FAM76A: variants seen among roughly 807,000 people sequenced by gnomAD.
FAM76A encodes the protein family with sequence similarity 76 member A.
Under a neutral mutation model 46.2 loss-of-function variants are expected in FAM76A, and 32 were observed. That is an observed-to-expected ratio of 0.69 (90% CI 0.52 to 0.93). The LOEUF is 0.93. Among genes scored for constraint, FAM76A ranks in the 40% least tolerant of loss-of-function variants. The pLI, the probability that FAM76A is intolerant of heterozygous loss-of-function variation, is 0.00. For missense variants in FAM76A, 274 were observed against 361.5 expected (o/e 0.76, Z 1.96); for synonymous variants, 137 against 127.0 (o/e 1.08, Z -0.53).
chr1:27,732,939 TG>T (rs1286787956), intron 3 of FAM76A, among the ~76,000 whole-genome samples: 3 of 151,824 alleles, frequency 2.0e-5, no homozygotes, highest in African/African-American at 7.2e-5. Context: ...TTTTTGTTTT[TG>T]TTTTTTTTTT....
chr1:27,743,419 G>A (rs1194834728), intron 4 of FAM76A, among the ~76,000 whole-genome samples: 1 of 152,060 alleles, frequency 6.6e-6, no homozygotes, highest in Non-Finnish European at 1.5e-5. Flanking sequence ...TTCCTGAAGT[G>A]TACATATCTC....
rs185910459 is a variant in FAM76A at position 27,745,789 on chromosome 1, C to G, written c.512+978C>G. 2.0e-5 allele frequency among the ~76,000 whole-genome samples: 3 copies of G among 152,282 alleles called. No individual in the cohort carries two copies. The East Asian group carries it at 5.8e-4, about 29-fold the overall frequency. ...CAGGGAAGGAATGGGCAGAGGCATT[C>G]TAGGCTGAGAGAATAGCATTTGCAA... On this transcript the variant is annotated intron_variant, in intron 5 of 8. Transcript: ENST00000373954.
intron 4 of FAM76A, chr1:27,740,415 C>T (rs1026310705): frequency 1.6e-5 from 23 of 1,427,960 alleles, no homozygotes; most frequent in African/African-American, 5.7e-5. Context: ...TGATATGGTG[C>T]CAAACATTCA....
chr1:27,729,044 T>C (rs972040601), intron 2 of FAM76A, among the ~76,000 whole-genome samples: 1 of 151,954 alleles, frequency 6.6e-6, no homozygotes, highest in African/African-American at 2.4e-5. Flanking sequence ...AAAGTGATTT[T>C]TTTTTGGTAC....
intron 7 of FAM76A, 38 bp from the exon 8 acceptor site, chr1:27,759,488 A>G (rs767597454): frequency 1.4e-6 from 2 of 1,459,502 alleles, no homozygotes; most frequent in South Asian, 1.2e-5. Flanking sequence ...TTTATTGCAC[A>G]GAAATTTCTT....
chr1:27,758,262 G>A (rs149668613), intron 7 of FAM76A, among the ~76,000 whole-genome samples: 2,465 of 152,282 alleles, frequency 0.016, 25 homozygotes, highest in Middle Eastern at 0.034. Flanking sequence ...CAAGGGACTG[G>A]AAGTCTTTCT....
intron 1 of FAM76A, 37 bp from the exon 2 acceptor site, chr1:27,727,435 G>A: frequency 3.2e-6 from 5 of 1,584,118 alleles, no homozygotes; most frequent in Non-Finnish European, 4.3e-6. Context: ...TTCCATTTGT[G>A]ACTGCCTTTT....
At chr1:27,747,167 C>T (rs953041320) in intron 5 of FAM76A, among the ~76,000 whole-genome samples, 5 of 152,140 alleles carry the variant, frequency 3.3e-5, no homozygotes, top group African/African-American at 1.2e-4. Flanking sequence ...CAGGAATCTA[C>T]ATTATTTTAT....
chr1:27,745,843 A>G (rs947212210), intron 5 of FAM76A, among the ~76,000 whole-genome samples: 3 of 152,188 alleles, frequency 2.0e-5, no homozygotes, highest in African/African-American at 7.2e-5. Context: ...ACCAAATGGA[A>G]CCCTGGAAAA....
chr1:27,741,684 C>G (rs1251392791), intron 4 of FAM76A, among the ~76,000 whole-genome samples: 2 of 151,896 alleles, frequency 1.3e-5, no homozygotes, highest in African/African-American at 2.4e-5. Flanking sequence ...AGTTTGAGAC[C>G]AGCCTGGCCA....
chr1:27,753,491 G>A (rs2088363049), intron 6 of FAM76A, among the ~76,000 whole-genome samples: 1 of 152,202 alleles, frequency 6.6e-6, no homozygotes, highest in Non-Finnish European at 1.5e-5. Flanking sequence ...GGTCCTTTCA[G>A]TACTTTCTCC....
intron 5 of FAM76A, 77 bp from the exon 6 acceptor site, chr1:27,748,991 A>G (rs562976833): frequency 3.5e-5 from 33 of 942,220 alleles, no homozygotes; most frequent in African/African-American, 1.5e-4. Flanking sequence ...ACATTGGTCT[A>G]TTTGACAGAC....
intron 4 of FAM76A, among the ~76,000 whole-genome samples, chr1:27,737,267 G>T (rs2088064661): frequency 6.6e-6 from 1 of 152,064 alleles, no homozygotes; most frequent in Admixed American, 6.6e-5. Context: ...TATTTCTAAA[G>T]TTTATTTTTA....
intron 4 of FAM76A, chr1:27,740,542 TA>T (rs1454298088): frequency 2.4e-6 from 3 of 1,275,944 alleles, no homozygotes; most frequent in Non-Finnish European, 2.3e-6. Context: ...GAAGCGTTGT[TA>T]TGAGGAGTGA....
intron 4 of FAM76A, among the ~76,000 whole-genome samples, chr1:27,740,847 G>A (rs2088138723): frequency 6.6e-6 from 1 of 152,220 alleles, no homozygotes; most frequent in South Asian, 2.1e-4. Context: ...TTCATGTGGG[G>A]CCCGGGTGTG....
chr1:27,755,443 T>G, intron 7 of FAM76A, 113 bp downstream of exon 7: 1 of 1,379,760 alleles, frequency 7.2e-7, no homozygotes, highest in South Asian at 1.3e-5. Flanking sequence ...TATGTCAAGG[T>G]TGGGATATCC....
At chr1:27,727,634 A>G (rs2087883124) in intron 2 of FAM76A, 98 bp downstream of exon 2, 1 of 861,158 alleles carries the variant, frequency 1.2e-6, no homozygotes, top group Admixed American at 2.1e-5. Flanking sequence ...AATCAGTTGC[A>G]TTGTAAAATA....
intron 5 of FAM76A, among the ~76,000 whole-genome samples, chr1:27,748,127 T>TG (rs976827788): frequency 7.1e-6 from 1 of 140,234 alleles, no homozygotes; most frequent in African/African-American, 2.8e-5. Flanking sequence ...GAAGTTTTTT[T>TG]TTTTTTTTTT....
intron 4 of FAM76A, among the ~76,000 whole-genome samples, chr1:27,741,584 GAA>G (rs2088154716): frequency 6.6e-6 from 1 of 151,762 alleles, no homozygotes; most frequent in East Asian, 1.9e-4. Context: ...ACAGTAGAGA[GAA>G]ATAGAAAAAC....
Sources: allele counts gnomAD v4.1 joint callset (sites outside exome capture counted in the v4.1 genomes callset), GRCh38; gene constraint gnomAD v4.1.1; transcripts MANE v1.5; gene names NCBI Gene and HGNC (gene_info 2026-07-23, HGNC 2026-07-21).